The following FOXRED1 variants were observed in gnomAD, a reference collection of about 807,000 sequenced individuals.
The protein encoded by FOXRED1 is FAD dependent oxidoreductase domain containing 1, also known as FAD-dependent oxidoreductase domain-containing protein 1.
A neutral mutation model predicts 57.8 loss-of-function variants in FOXRED1; 52 were observed. The observed-to-expected ratio is 0.90, with a 90% CI of 0.72 to 1.13. The LOEUF (loss-of-function observed/expected upper bound fraction) is 1.13. FOXRED1 is among the 50% of genes most tolerant of loss of function. FOXRED1 has a pLI of 0.00. For synonymous variants in FOXRED1, 271 were observed against 248.3 expected, an observed-to-expected ratio of 1.09 and a Z score of -0.86; for missense variants, 589 against 625.2, an observed-to-expected ratio of 0.94 and a Z score of 0.62.
rs1246826660 is a variant in FOXRED1, at chr11:126,271,091, G to C, written c.86-346G>C. ...GTGCCGTGACTTGGGGTGTGCCAGGGCCTCTTGGTCCAAGGCCTGGAAGAC... is the reference window on the plus strand; with the variant it reads ...GTGCCGTGACTTGGGGTGTGCCAGGCCCTCTTGGTCCAAGGCCTGGAAGAC... On this transcript the variant is annotated intron_variant, in intron 1 of 10. Coordinates refer to ENST00000263578, the MANE Select transcript of FOXRED1 (RefSeq NM_017547.4). This position sits in a 1 kb window ranked among gnomAD's most constrained non-coding sequence, Gnocchi z 5.3. 1.1e-5 allele frequency: 4 copies of C among 352,366 alleles called. No homozygotes were observed. The highest frequency in any genetic ancestry group is 8.5e-5 in the African/African-American group (4 of 46,894). The allele number at this position is 352,366 out of a possible 1,614,324, so 21.8% of individuals were successfully genotyped here. A position where few individuals can be genotyped will look rare whatever the true frequency, so the allele number is the denominator to read the frequency against.
At position 126,273,233 on chromosome 11, in the gene FOXRED1, G is replaced by C; in HGVS notation, c.418-103G>C. Reference sequence around the variant, plus strand: ...CCTTCTTCCTAGTGGTGGTGCCGCAGGTCTGGGGCACTGAGCCTGGGGAGC... The same window carrying C: ...CCTTCTTCCTAGTGGTGGTGCCGCACGTCTGGGGCACTGAGCCTGGGGAGC... On this transcript the variant is annotated intron_variant, in intron 3 of 10. Coordinates refer to ENST00000263578, the MANE Select transcript of FOXRED1 (RefSeq NM_017547.4). This position sits in a 1 kb window ranked among gnomAD's most constrained non-coding sequence, Gnocchi z 5.9. 9.8e-7 allele frequency: 1 copy of C among 1,018,898 alleles called. No individual in the cohort carries two copies. Among genetic ancestry groups the C allele is most frequent in the Non-Finnish European group, 1.6e-6 (1 of 637,220 alleles). The allele number at this position is 1,018,898 out of a possible 1,614,324, so 63.1% of individuals were successfully genotyped here.
At position 126,275,296 on chromosome 11, in the gene FOXRED1, C is replaced by A. The variant is rs765873212; in HGVS notation, c.632-31C>A. On this transcript the variant is annotated intron_variant, in intron 5 of 10. Transcript: ENST00000263578. The surrounding 1 kb of genome is among the most constrained non-coding windows in gnomAD (Gnocchi z 5.9). ...AATCCAAGAGCAGAAGTCCTCATCC[C>A]TCTTTGTGAGTTCTCTTTTTCTTAT... is the stretch of plus-strand genomic sequence containing the variant. 1 of 1,481,222 alleles carries A rather than the reference C, an allele frequency of 6.8e-7. No homozygotes were observed. 91.8% of individuals were successfully genotyped at this position (1,481,222 alleles called of 1,614,324 possible).
chr11:126,276,381 C>G lies in FOXRED1; in HGVS notation c.972-13C>G. 9.5e-7 allele frequency: 1 copy of G among 1,049,844 alleles called. No homozygotes were observed. Among genetic ancestry groups the G allele is most frequent in the Admixed American group, 3.5e-5 (1 of 28,462 alleles). The allele number at this position is 1,049,844 out of a possible 1,614,324, so 65.0% of individuals were successfully genotyped here. A position where few individuals can be genotyped will look rare whatever the true frequency, so the allele number is the denominator to read the frequency against. ...GCTGTTTCTGCAGTTCGTAACCGCA[C>G]TGGTTGTGGCAGGTATGTGTATGTG... On this transcript the variant is annotated splice_polypyrimidine_tract_variant and intron_variant, in intron 8 of 10. Coordinates refer to ENST00000263578, the MANE Select transcript of FOXRED1 (RefSeq NM_017547.4).
At chr11:126,269,445 C>T in intron 1 of FOXRED1, 154 bp downstream of exon 1, 4 of 1,445,760 alleles carry the variant, frequency 2.8e-6, no homozygotes, top group Non-Finnish European at 3.8e-6. Context: ...CTTGTAGGGG[C>T]TGTGCAGGTG....
intron 9 of FOXRED1, 180 bp from the exon 10 acceptor site, chr11:126,276,891 G>T (rs1951167015): frequency 8.8e-6 from 5 of 568,130 alleles, no homozygotes; most frequent in East Asian, 3.2e-5. Flanking sequence ...AAAAAAAAAA[G>T]AAAAAGAATC....
Position 126,274,096 on chromosome 11 carries a change from T to A in FOXRED1, c.536+642T>A, listed in dbSNP as rs1352250569. ...TCCTAAATGCTGTACAGATATTAAC[T>A]CATTTAATCATCAGAACATCCCCAT... On this transcript the variant is annotated intron_variant, in intron 4 of 10. Coordinates refer to ENST00000263578, the MANE Select transcript of FOXRED1 (RefSeq NM_017547.4). The surrounding 1 kb of genome is among the most constrained non-coding windows in gnomAD (Gnocchi z 4.8). 1 of 157,520 alleles carries A rather than the reference T, an allele frequency of 6.3e-6. No individual in the cohort carries two copies. The highest frequency in any genetic ancestry group is 1.4e-5 in the Non-Finnish European group (1 of 71,070). 9.8% of individuals were successfully genotyped at this position (157,520 alleles called of 1,614,324 possible).
Position 126,277,670 on chromosome 11 carries a change from A to G in FOXRED1, c.1442A>G (p.Gln481Arg), listed in dbSNP as rs546107095. 5 of 1,613,640 alleles carry G rather than the reference A, an allele frequency of 3.1e-6. No individual in the cohort carries two copies. In the African/African-American group the frequency reaches 4.0e-5, roughly 13 times the overall value. ...CGCTTTTACTTGGGAGAGAAGATCC[A>G]GGAGAACAACATCATCTGAGCATGT... The part of the protein sequence containing the change: ...FTRFYLGEKI[Q>R]ENNII Residue 481 changes from glutamine to arginine, a missense_variant, in exon 11 of 11, where the codon CAG becomes CGG. Transcript: ENST00000263578. The surrounding 1 kb of genome is among the most constrained non-coding windows in gnomAD (Gnocchi z 6.8).
At position 126,273,768 on chromosome 11, in the gene FOXRED1, C is replaced by T; in HGVS notation, c.536+314C>T. On this transcript the variant is annotated intron_variant, in intron 4 of 10. Transcript: ENST00000263578. This position sits in a 1 kb window ranked among gnomAD's most constrained non-coding sequence, Gnocchi z 5.9. ...TGGGTTTTTAACAAGAACCTTAAGT[C>T]AGGAGTTAGCAAACTTTTTCTGTAA... 2.5e-6 allele frequency: 1 copy of T among 395,790 alleles called. No individual in the cohort carries two copies. The highest frequency in any genetic ancestry group is 3.7e-5 in the Admixed American group (1 of 27,188). The allele number at this position is 395,790 out of a possible 1,614,324, so 24.5% of individuals were successfully genotyped here. A position where few individuals can be genotyped will look rare whatever the true frequency, so the allele number is the denominator to read the frequency against.
In FOXRED1 at chr11:126,273,118, C is replaced by A; in HGVS notation, c.417+39C>A. On this transcript the variant is annotated intron_variant, in intron 3 of 10. Transcript: ENST00000263578. This position sits in a 1 kb window ranked among gnomAD's most constrained non-coding sequence, Gnocchi z 5.9. ...TATCCGGGATGTTGGGGTGGTTACC[C>A]CTCCTTTAGCCCAGAGTGGGGAGCA... 3.3e-6 allele frequency: 4 copies of A among 1,214,734 alleles called. No individual in the cohort carries two copies. The highest frequency in any genetic ancestry group is 4.9e-6 in the Non-Finnish European group (4 of 815,244). The allele number at this position is 1,214,734 out of a possible 1,614,324, so 75.2% of individuals were successfully genotyped here.
Position 126,277,678 on chromosome 11 carries a change from A to C in FOXRED1, c.1450A>C (p.Asn484His). Residue 484 changes from asparagine (N) to histidine (H), a missense_variant, in exon 11 of 11, where the codon AAC (asparagine) becomes CAC (histidine). By Grantham distance (68) the Asn-to-His change is moderately conservative. Transcript: ENST00000263578. This position sits in a 1 kb window ranked among gnomAD's most constrained non-coding sequence, Gnocchi z 6.8. Reference protein sequence around the residue: ...FYLGEKIQENNII With the variant: ...FYLGEKIQENHII Reference sequence around the variant, plus strand: ...CTTGGGAGAGAAGATCCAGGAGAACAACATCATCTGAGCATGTGTGCTCTG... The same window carrying C: ...CTTGGGAGAGAAGATCCAGGAGAACCACATCATCTGAGCATGTGTGCTCTG... The C allele has an allele frequency of 6.2e-7, 1 of 1,613,582 alleles. No individual in the cohort carries two copies. The highest frequency in any genetic ancestry group is 8.5e-7 in the Non-Finnish European group (1 of 1,180,016).
At position 126,275,761 on chromosome 11, in the gene FOXRED1, T is replaced by C. The variant is rs760365558; in HGVS notation, c.734-33T>C. 5 of 1,439,032 alleles carry C rather than the reference T, an allele frequency of 3.5e-6. No individual in the cohort carries two copies. Among genetic ancestry groups the C allele is most frequent in the Non-Finnish European group, 9.8e-7 (1 of 1,020,966 alleles). The allele number at this position is 1,439,032 out of a possible 1,614,324, so 89.1% of individuals were successfully genotyped here. A position where few individuals can be genotyped will look rare whatever the true frequency, so the allele number is the denominator to read the frequency against. ...CCCCATTTCATTCCTCTTCAGCACCTCTACGGCCTATTTTTCATTTTCTTC... is the reference window on the plus strand; with the variant it reads ...CCCCATTTCATTCCTCTTCAGCACCCCTACGGCCTATTTTTCATTTTCTTC... On this transcript the variant is annotated intron_variant, in intron 6 of 10. Transcript: ENST00000263578. This position sits in a 1 kb window ranked among gnomAD's most constrained non-coding sequence, Gnocchi z 5.9.
chr11:126,270,007 A>AG (rs1439287082), intron 1 of FOXRED1, among the ~76,000 whole-genome samples: 1 of 149,586 alleles, frequency 6.7e-6, no homozygotes, highest in Non-Finnish European at 1.5e-5. Flanking sequence ...AAAAAAAAAA[A>AG]AAGATTAGCT....
Position 126,275,520 on chromosome 11 carries a change from G to A in FOXRED1, c.733+92G>A. ...CACAAGCTAAGCAAGGGCTGGAGGG[G>A]GAAAGGGGTCTCCCTGAGAGCAGGT... On this transcript the variant is annotated intron_variant, in intron 6 of 10. Transcript: ENST00000263578. The surrounding 1 kb of genome is among the most constrained non-coding windows in gnomAD (Gnocchi z 5.9). The A allele has an allele frequency of 2.1e-6, 2 of 959,892 alleles. No individual in the cohort carries two copies. The highest frequency in any genetic ancestry group is 1.7e-6 in the Non-Finnish European group (1 of 591,796). 59.5% of individuals were successfully genotyped at this position (959,892 alleles called of 1,614,324 possible).
In FOXRED1 at chr11:126,277,834, T is replaced by C; in HGVS notation, c.*145T>C. ...CCTCTCAGGCAGGCCATTGCACCCA[T>C]ATGGCTGGGCAGGCACAGGCAGTGA... On this transcript the variant is annotated 3_prime_UTR_variant, in exon 11 of 11. Coordinates refer to ENST00000263578, the MANE Select transcript of FOXRED1 (RefSeq NM_017547.4). This position sits in a 1 kb window ranked among gnomAD's most constrained non-coding sequence, Gnocchi z 6.8. 1 of 890,752 alleles carries C rather than the reference T, an allele frequency of 1.1e-6. No individual in the cohort carries two copies. Among genetic ancestry groups the C allele is most frequent in the Non-Finnish European group, 1.8e-6 (1 of 545,848 alleles). The allele number at this position is 890,752 out of a possible 1,614,324, so 55.2% of individuals were successfully genotyped here.
At position 126,271,724 on chromosome 11, in the gene FOXRED1, T is replaced by C. The variant is rs1381071824; in HGVS notation, c.306+67T>C. 53 of 1,277,386 alleles carry C rather than the reference T, an allele frequency of 4.1e-5. No homozygotes were observed. The highest frequency in any genetic ancestry group is 5.7e-5 in the Non-Finnish European group (50 of 880,370). 79.1% of individuals were successfully genotyped at this position (1,277,386 alleles called of 1,614,324 possible). A position where few individuals can be genotyped will look rare whatever the true frequency, so the allele number is the denominator to read the frequency against. ...AGATGACTCATTTTATTAAGGACTC[T>C]AGCGACAAGGGAAGGAGAGGAGGGG... On this transcript the variant is annotated intron_variant, in intron 2 of 10. Coordinates refer to ENST00000263578, the MANE Select transcript of FOXRED1 (RefSeq NM_017547.4). This position sits in a 1 kb window ranked among gnomAD's most constrained non-coding sequence, Gnocchi z 5.3.
Position 126,271,182 on chromosome 11 carries a change from A to C in FOXRED1, c.86-255A>C. 1 of 462,750 alleles carries C rather than the reference A, an allele frequency of 2.2e-6. No individual in the cohort carries two copies. The highest frequency in any genetic ancestry group is 4.0e-6 in the Non-Finnish European group (1 of 249,698). 28.7% of individuals were successfully genotyped at this position (462,750 alleles called of 1,614,324 possible). A position where few individuals can be genotyped will look rare whatever the true frequency, so the allele number is the denominator to read the frequency against. ...ATCAGGAGAGGTCTATGCAGGAGGT[A>C]ATGTAGAAAATTAATTTTAGGAAAT... is the stretch of plus-strand genomic sequence containing the variant. On this transcript the variant is annotated intron_variant, in intron 1 of 10. Coordinates refer to ENST00000263578, the MANE Select transcript of FOXRED1 (RefSeq NM_017547.4). This position sits in a 1 kb window ranked among gnomAD's most constrained non-coding sequence, Gnocchi z 5.3.
At chr11:126,269,417 T>C in intron 1 of FOXRED1, 126 bp downstream of exon 1, 1 of 1,568,158 alleles carries the variant, frequency 6.4e-7, no homozygotes, top group Non-Finnish European at 8.7e-7. Flanking sequence ...GGGAAGGGGG[T>C]TAGCTTACCT....
rs1951017087 is a variant in FOXRED1 at position 126,272,447 on chromosome 11, C to G, written c.307-522C>G. On this transcript the variant is annotated intron_variant, in intron 2 of 10. Transcript: ENST00000263578. This position sits in a 1 kb window ranked among gnomAD's most constrained non-coding sequence, Gnocchi z 4.6. ...AGCTGGGACCACAGGCATGCACCACCACACCTGGCTAATTTCTGTATTTTT... is the reference window on the plus strand; with the variant it reads ...AGCTGGGACCACAGGCATGCACCACGACACCTGGCTAATTTCTGTATTTTT... 1 of 235,630 alleles carries G rather than the reference C, an allele frequency of 4.2e-6. No homozygotes were observed. Among genetic ancestry groups the G allele is most frequent in the Non-Finnish European group, 8.4e-6 (1 of 118,680 alleles). 14.6% of individuals were successfully genotyped at this position (235,630 alleles called of 1,614,324 possible).
chr11:126,277,325 T>C lies in FOXRED1; in HGVS notation c.1207-110T>C, dbSNP rs1224037061. On this transcript the variant is annotated intron_variant, in intron 10 of 10. Coordinates refer to ENST00000263578, the MANE Select transcript of FOXRED1 (RefSeq NM_017547.4). This position sits in a 1 kb window ranked among gnomAD's most constrained non-coding sequence, Gnocchi z 6.8. ...AATTTCTTGGACACATCCCATCCCA[T>C]AGACCCCTCAGCAGCAGGTAGAGGG... is the stretch of plus-strand genomic sequence containing the variant. The C allele has an allele frequency of 1.3e-5, 18 of 1,383,384 alleles. No individual in the cohort carries two copies. The highest frequency in any genetic ancestry group is 1.2e-4 in the Admixed American group (7 of 59,668). 85.7% of individuals were successfully genotyped at this position (1,383,384 alleles called of 1,614,324 possible).
Sources: gnomAD v4.1 joint callset for allele counts (sites outside exome capture counted in the v4.1 genomes callset) on GRCh38, gnomAD v4.1.1 for gene constraint, Gnocchi (gnomAD v3.1) non-coding constraint, MANE v1.5 for transcripts, NCBI Gene and HGNC (gene_info 2026-07-23, HGNC 2026-07-21) for gene names.